The following SPTLC2 variants were observed in gnomAD, a reference collection of about 807,000 sequenced individuals.
The protein encoded by SPTLC2 is serine palmitoyltransferase 2.
A neutral mutation model predicts 62.0 loss-of-function variants in SPTLC2; 21 were observed. That is an observed-to-expected ratio of 0.34 (90% confidence interval 0.24 to 0.49). SPTLC2 has a LOEUF of 0.49. Among genes scored for constraint, SPTLC2 ranks in the 20% least tolerant of loss-of-function variants. The pLI is 0.99. For missense variants in SPTLC2, 511 were observed against 713.0 expected (o/e 0.72, Z 3.23); for synonymous variants, 261 against 261.8 (o/e 1.00, Z 0.03).
chr14:77,548,128 T>C (rs187340368), intron 9 of SPTLC2, among the ~76,000 whole-genome samples: 9 of 152,300 alleles, frequency 5.9e-5, no homozygotes, highest in African/African-American at 9.6e-5. Context: ...TAAAGCGTTC[T>C]GACATTATTT....
intron 5 of SPTLC2, among the ~76,000 whole-genome samples, chr14:77,568,110 C>A (rs1487753049): frequency 1.3e-5 from 2 of 152,156 alleles, no homozygotes; most frequent in African/African-American, 4.8e-5. Flanking sequence ...CTATACATTT[C>A]CATCTGAGCA....
intron 1 of SPTLC2, among the ~76,000 whole-genome samples, chr14:77,613,591 G>A (rs1021183019): frequency 6.6e-6 from 1 of 152,118 alleles, no homozygotes; most frequent in Non-Finnish European, 1.5e-5. Context: ...ATCTCTTCAA[G>A]CACAGAAACA....
chr14:77,557,526 T>TA (rs1566779381), intron 6 of SPTLC2, among the ~76,000 whole-genome samples: 1 of 152,080 alleles, frequency 6.6e-6, no homozygotes, highest in African/African-American at 2.4e-5. Context: ...AATAAATGCG[T>TA]AAAAAAGACA....
intron 2 of SPTLC2, among the ~76,000 whole-genome samples, chr14:77,588,541 C>A (rs868269374): frequency 2.0e-4 from 29 of 143,566 alleles, no homozygotes; most frequent in East Asian, 8.2e-4. Flanking sequence ...AAAAAAAAAA[C>A]AAAAATTAGC....
intron 1 of SPTLC2, among the ~76,000 whole-genome samples, chr14:77,602,602 T>C (rs1375715765): frequency 6.7e-6 from 1 of 150,084 alleles, no homozygotes; most frequent in Non-Finnish European, 1.5e-5. Context: ...CAGGATGGAG[T>C]GCAGTGGTGT....
intron 10 of SPTLC2, among the ~76,000 whole-genome samples, chr14:77,519,661 T>C (rs1049467156): frequency 5.9e-5 from 9 of 152,132 alleles, no homozygotes; most frequent in African/African-American, 1.9e-4. Context: ...GAGGTTGCAG[T>C]AAGCCGAGAT....
At chr14:77,595,971 A>C (rs1429921916) in intron 2 of SPTLC2, among the ~76,000 whole-genome samples, 1 of 152,156 alleles carries the variant, frequency 6.6e-6, no homozygotes, top group African/African-American at 2.4e-5. Flanking sequence ...TTATTTATTT[A>C]TGGAGACTAG....
chr14:77,614,655 C>A (rs1332253414), intron 1 of SPTLC2, among the ~76,000 whole-genome samples: 1 of 122,658 alleles, frequency 8.2e-6, no homozygotes, highest in Admixed American at 8.5e-5. Flanking sequence ...CAGAGCGAGA[C>A]TCCATCTCAA....
chr14:77,595,716 C>T (rs1464333880), intron 2 of SPTLC2, among the ~76,000 whole-genome samples: 1 of 152,164 alleles, frequency 6.6e-6, no homozygotes, highest in African/African-American at 2.4e-5. Context: ...CTATCCATTA[C>T]CTGAATAATT....
intron 7 of SPTLC2, 122 bp downstream of exon 7, chr14:77,556,919 C>A (rs765878173): frequency 1.3e-6 from 1 of 760,816 alleles, no homozygotes; most frequent in East Asian, 2.6e-5. Flanking sequence ...GGTATTTTAG[C>A]GACTTATAAA....
intron 9 of SPTLC2, among the ~76,000 whole-genome samples, chr14:77,535,298 A>T (rs1377323193): frequency 3.3e-5 from 5 of 152,194 alleles, no homozygotes; most frequent in Non-Finnish European, 5.9e-5. Context: ...GAAATATGGA[A>T]CAGCGAGTGA....
At chr14:77,609,192 T>G (rs937671181) in intron 1 of SPTLC2, among the ~76,000 whole-genome samples, 53 of 152,126 alleles carry the variant, frequency 3.5e-4, no homozygotes, top group Non-Finnish European at 1.3e-4. Context: ...AAGAAGTCTG[T>G]CCTGGGGAAA....
chr14:77,564,287 AAGGAGGAAGAGG>A (rs142164057), intron 5 of SPTLC2, among the ~76,000 whole-genome samples: 32,316 of 137,474 alleles, frequency 0.24, 4,092 homozygotes, highest in Middle Eastern at 0.39. Flanking sequence ...AGAGGAGGAA[AAGGAGGAAGAGG>A]AGGAGAAGGA....
intron 9 of SPTLC2, among the ~76,000 whole-genome samples, chr14:77,528,878 C>T (rs1227242220): frequency 6.6e-6 from 1 of 152,094 alleles, no homozygotes; most frequent in Admixed American, 6.5e-5. Flanking sequence ...TCTTGTCGCC[C>T]AGGCTGGTAT....
intron 9 of SPTLC2, among the ~76,000 whole-genome samples, chr14:77,522,314 C>T (rs2079388640): frequency 6.6e-6 from 1 of 152,128 alleles, no homozygotes; most frequent in African/African-American, 2.4e-5. Flanking sequence ...GGGTGCACAT[C>T]ACCACGCCCA....
At chr14:77,582,504 A>G (rs1462202436) in intron 2 of SPTLC2, among the ~76,000 whole-genome samples, 2 of 152,252 alleles carry the variant, frequency 1.3e-5, no homozygotes, top group African/African-American at 2.4e-5. Flanking sequence ...GAAAAACCTT[A>G]GAGTCTGCTC....
chr14:77,524,075 A>C (rs1210264129), intron 9 of SPTLC2, among the ~76,000 whole-genome samples: 1 of 152,192 alleles, frequency 6.6e-6, no homozygotes, highest in Non-Finnish European at 1.5e-5. Flanking sequence ...AAACATGAGG[A>C]GAGAAAGGAA....
rs1350798468 is a variant in SPTLC2, at chr14:77,602,461, T to C, written c.133-5081A>G. 4.6e-5 allele frequency among the ~76,000 whole-genome samples: 7 copies of C among 152,280 alleles called. No individual in the cohort carries two copies. The South Asian group carries it at 1.2e-3, about 27-fold the overall frequency. ...TCCACCTTATTTTCTGGCTTCCAGA[T>C]AGAATTAGTAATGACTTTCTGTGCT... is the stretch of plus-strand genomic sequence containing the variant. On this transcript the variant is annotated intron_variant, in intron 1 of 11. Transcript: ENST00000216484.
At chr14:77,565,698 A>G (rs1378145026) in intron 5 of SPTLC2, among the ~76,000 whole-genome samples, 1 of 152,236 alleles carries the variant, frequency 6.6e-6, no homozygotes, top group Non-Finnish European at 1.5e-5. Context: ...GAGACTGAGG[A>G]GCTACAACAG....
Sources: allele counts gnomAD v4.1 joint callset (sites outside exome capture counted in the v4.1 genomes callset), GRCh38; gene constraint gnomAD v4.1.1; transcripts MANE v1.5; gene names NCBI Gene and HGNC (gene_info 2026-07-23, HGNC 2026-07-21).